The following CTNNA3 variants were observed in gnomAD, a reference collection of about 807,000 sequenced individuals.
CTNNA3 encodes catenin alpha-3.
In CTNNA3, 76 loss-of-function variants were observed where a neutral mutation model predicts 95.7. The ratio of observed to expected loss-of-function variants is 0.79; its 90% CI spans 0.66 to 0.96. The LOEUF (loss-of-function observed/expected upper bound fraction) is 0.96, where lower values mean the gene tolerates loss of function less well. Ranked by LOEUF, CTNNA3 falls within the 40% of genes least tolerant of loss-of-function variation. The pLI is 0.00. For missense variants in CTNNA3, 1,191 were observed against 1,089.8 expected (o/e 1.09, Z -1.31); for synonymous variants, 431 against 374.4 (o/e 1.15, Z -1.74).
At chr10:66,701,186 T>G (rs1847930656) in intron 9 of CTNNA3, among the ~76,000 whole-genome samples, 1 of 152,170 alleles carries the variant, frequency 6.6e-6, no homozygotes, top group Non-Finnish European at 1.5e-5. Flanking sequence ...TCCATGTAGA[T>G]CTTTATGGAC....
intron 5 of CTNNA3, among the ~76,000 whole-genome samples, chr10:67,278,596 T>C (rs954490498): frequency 6.6e-6 from 1 of 152,182 alleles, no homozygotes; most frequent in Non-Finnish European, 1.5e-5. Context: ...CTCTCTCAGA[T>C]AGCAGACTTC....
At chr10:67,105,199 A>C (rs540543905) in intron 7 of CTNNA3, among the ~76,000 whole-genome samples, 1 of 151,278 alleles carries the variant, frequency 6.6e-6, no homozygotes, top group South Asian at 2.1e-4. Context: ...GGAATATAAG[A>C]GAAATGTGGT....
chr10:66,261,733 A>G (rs1432255642), intron 13 of CTNNA3, among the ~76,000 whole-genome samples: 4 of 151,998 alleles, frequency 2.6e-5, no homozygotes, highest in African/African-American at 7.2e-5. Flanking sequence ...GCTTTTCTTT[A>G]AGAATTGCTT....
chr10:66,772,646 T>C (rs1002220442), intron 8 of CTNNA3, among the ~76,000 whole-genome samples: 3 of 152,128 alleles, frequency 2.0e-5, no homozygotes, highest in East Asian at 1.9e-4. Flanking sequence ...AGGAAGAAGA[T>C]TGAAACAAAT....
At chr10:67,245,501 A>C (rs964889248) in intron 5 of CTNNA3, among the ~76,000 whole-genome samples, 5 of 152,190 alleles carry the variant, frequency 3.3e-5, no homozygotes, top group African/African-American at 1.2e-4. Context: ...AAGAATTTTC[A>C]ATTAATTTGA....
intron 5 of CTNNA3, among the ~76,000 whole-genome samples, chr10:67,421,017 G>A (rs1484215344): frequency 2.0e-5 from 3 of 152,038 alleles, no homozygotes; most frequent in Non-Finnish European, 4.4e-5. Context: ...TCTTTATAAT[G>A]AAATAACATC....
intron 3 of CTNNA3, among the ~76,000 whole-genome samples, chr10:67,543,342 T>C (rs982806290): frequency 6.6e-6 from 1 of 152,028 alleles, no homozygotes; most frequent in African/African-American, 2.4e-5. Flanking sequence ...TTTTATATGA[T>C]CAAATAAATA....
At chr10:66,826,735 T>A in intron 7 of CTNNA3, among the ~76,000 whole-genome samples, 1 of 152,194 alleles carries the variant, frequency 6.6e-6, no homozygotes, top group East Asian at 1.9e-4. Flanking sequence ...CTCACTGTGA[T>A]TGTATCCTGG....
intron 3 of CTNNA3, among the ~76,000 whole-genome samples, chr10:67,553,565 A>G (rs935997574): frequency 6.6e-6 from 1 of 152,210 alleles, no homozygotes; most frequent in African/African-American, 2.4e-5. Flanking sequence ...TTTACTTATT[A>G]GCAGCATTTG....
chr10:67,387,969 A>G (rs1163852895), intron 5 of CTNNA3, among the ~76,000 whole-genome samples: 4 of 151,888 alleles, frequency 2.6e-5, no homozygotes, highest in East Asian at 1.9e-4. Flanking sequence ...AAAAAACAGA[A>G]CAGAAAAACT....
chr10:66,719,817 GT>G (rs978182391), intron 9 of CTNNA3, among the ~76,000 whole-genome samples: 1 of 152,076 alleles, frequency 6.6e-6, no homozygotes, highest in Non-Finnish European at 1.5e-5. Flanking sequence ...GGGGAGATAT[GT>G]TTTTTGGCCT....
intron 7 of CTNNA3, among the ~76,000 whole-genome samples, chr10:67,067,247 T>A (rs984777652): frequency 1.4e-4 from 22 of 152,186 alleles, no homozygotes; most frequent in Non-Finnish European, 4.4e-5. Flanking sequence ...ATTTATATAT[T>A]TGTCTGTTCG....
At chr10:67,438,382 G>A (rs894720562) in intron 5 of CTNNA3, among the ~76,000 whole-genome samples, 3 of 152,176 alleles carry the variant, frequency 2.0e-5, no homozygotes, top group Non-Finnish European at 4.4e-5. Flanking sequence ...TCTGCTCCGT[G>A]AAGGCAGTAC....
intron 7 of CTNNA3, among the ~76,000 whole-genome samples, chr10:67,095,577 C>G (rs1383698461): frequency 2.0e-5 from 3 of 151,762 alleles, no homozygotes; most frequent in African/African-American, 7.2e-5. Flanking sequence ...CACACACACA[C>G]AGAATAAATG....
At chr10:67,748,620 G>GA (rs1447098215) in intron 1 of CTNNA3, among the ~76,000 whole-genome samples, 3 of 152,164 alleles carry the variant, frequency 2.0e-5, no homozygotes, top group Non-Finnish European at 4.4e-5. Flanking sequence ...ATATGGAAAG[G>GA]AAAAACCAGT....
chr10:67,701,244 G>A (rs2133603002), intron 1 of CTNNA3, among the ~76,000 whole-genome samples: 1 of 152,258 alleles, frequency 6.6e-6, no homozygotes. Context: ...AGCAAGGCAG[G>A]CCAACATTCA....
At chr10:67,749,197 C>T (rs1473618266) in intron 1 of CTNNA3, among the ~76,000 whole-genome samples, 1 of 152,124 alleles carries the variant, frequency 6.6e-6, no homozygotes, top group African/African-American at 2.4e-5. Flanking sequence ...ACTAAGACTA[C>T]CACACAATAA....
intron 9 of CTNNA3, among the ~76,000 whole-genome samples, chr10:66,716,487 T>C (rs1848453836): frequency 6.6e-6 from 1 of 152,206 alleles, no homozygotes; most frequent in African/African-American, 2.4e-5. Flanking sequence ...ATCTTTTTGC[T>C]ACTAGGATGT....
At chr10:67,690,629 A>G (rs1214364627) in intron 1 of CTNNA3, among the ~76,000 whole-genome samples, 1 of 152,192 alleles carries the variant, frequency 6.6e-6, no homozygotes, top group Non-Finnish European at 1.5e-5. Context: ...TAGACTAGAC[A>G]CAGAGCACTG....
Sources: gnomAD v4.1 joint callset for allele counts (sites outside exome capture counted in the v4.1 genomes callset) on GRCh38, gnomAD v4.1.1 for gene constraint, MANE v1.5 for transcripts, NCBI Gene and HGNC (gene_info 2026-07-23, HGNC 2026-07-21) for gene names.